JAK3: variants seen among roughly 807,000 people sequenced by gnomAD.
JAK3 encodes the protein tyrosine-protein kinase JAK3.
Under a neutral mutation model 120.8 loss-of-function variants are expected in JAK3, and 88 were observed. The observed-to-expected ratio is 0.73, with a 90% CI of 0.61 to 0.87. The LOEUF (loss-of-function observed/expected upper bound fraction) is 0.87. Among genes scored for constraint, JAK3 ranks in the 40% least tolerant of loss-of-function variants. The pLI, the probability that JAK3 is intolerant of heterozygous loss-of-function variation, is 0.00. For missense variants in JAK3, 1,254 were observed against 1,501.4 expected, an observed-to-expected ratio of 0.84 and a Z score of 2.72; for synonymous variants, 592 against 628.6, an observed-to-expected ratio of 0.94 and a Z score of 0.87.
At position 17,843,853 on chromosome 19, in the gene JAK3, G is replaced by A. The variant is rs2147700092; in HGVS notation, c.232C>T (p.Leu78=). ...HSLFALATED[L]SCWFPPSHIF... ...TGGCTCGGGGGGAACCAGCAGGACA[G>A]GTCCTCCGTGGCCAGAGCAAAGAGG... The change falls in exon 3 of 24, where the codon CTG becomes TTG. Residue 78 remains leucine, a synonymous_variant. Transcript: ENST00000458235. The surrounding 1 kb of genome is among the most constrained non-coding windows in gnomAD (Gnocchi z 5.4). 1 of 1,613,498 alleles carries A rather than the reference G, an allele frequency of 6.2e-7. No homozygotes were observed.
At position 17,824,944 on chromosome 19, in the gene JAK3, G is replaced by A. The variant is rs1309354662; in HGVS notation, c.*1799C>T. On this transcript the variant is annotated 3_prime_UTR_variant, in exon 24 of 24. Transcript: ENST00000458235. ...GAGTGGGGCTGGAGGGAAGGACAGG[G>A]CTACAGTAGTAGTGGGGGTATATGA... The A allele has an allele frequency of 4.5e-6, 1 of 221,108 alleles. No homozygotes were observed. The highest frequency in any genetic ancestry group is 9.1e-6 in the Non-Finnish European group (1 of 110,308). The allele number at this position is 221,108 out of a possible 1,614,324, so 13.7% of individuals were successfully genotyped here.
chr19:17,832,974 G>A lies in JAK3; in HGVS notation c.2351-45C>T. On this transcript the variant is annotated intron_variant, in intron 17 of 23. Transcript: ENST00000458235. The surrounding 1 kb of genome is among the most constrained non-coding windows in gnomAD (Gnocchi z 4.7). The stretch of plus-strand genomic sequence containing the variant: ...AGTGGTAAGCAGCGCCTCTCATCCT[G>A]GGCCCCACTCCTGAGTTGACTTGCT... The A allele has an allele frequency of 1.3e-6, 2 of 1,586,484 alleles. No individual in the cohort carries two copies. The highest frequency in any genetic ancestry group is 1.7e-6 in the Non-Finnish European group (2 of 1,166,044).
At chr19:17,845,885 C>T (rs1241266141) in intron 1 of JAK3, among the ~76,000 whole-genome samples, 1 of 152,094 alleles carries the variant, frequency 6.6e-6, no homozygotes, top group Non-Finnish European at 1.5e-5. Context: ...AGTGCAGTGG[C>T]ACAATCTCGG....
Position 17,842,221 on chromosome 19 carries a change from G to T in JAK3, c.861+95C>A. The T allele has an allele frequency of 7.6e-7, 1 of 1,322,570 alleles. No individual in the cohort carries two copies. Among genetic ancestry groups the T allele is most frequent in the Non-Finnish European group, 1.0e-6 (1 of 998,738 alleles). 81.9% of individuals were successfully genotyped at this position (1,322,570 alleles called of 1,614,324 possible). On this transcript the variant is annotated intron_variant, in intron 6 of 23. Transcript: ENST00000458235. The surrounding 1 kb of genome is among the most constrained non-coding windows in gnomAD (Gnocchi z 6.4). ...CCTCGCCCACTTCCCCAAGTCTTTCGTTTTGGCTCCGCCCCACATCCCCTA... is the reference window on the plus strand; with the variant it reads ...CCTCGCCCACTTCCCCAAGTCTTTCTTTTTGGCTCCGCCCCACATCCCCTA...
chr19:17,847,875 C>G (rs1363922308), intron 1 of JAK3, 71 bp downstream of exon 1: 2 of 770,710 alleles, frequency 2.6e-6, no homozygotes, highest in Non-Finnish European at 3.2e-6. Context: ...CTGCCCCAGC[C>G]CAGCCATCCC....
At chr19:17,835,574 A>G (rs913303340) in intron 14 of JAK3, among the ~76,000 whole-genome samples, 4 of 152,180 alleles carry the variant, frequency 2.6e-5, no homozygotes, top group African/African-American at 9.7e-5. Context: ...CAGGGGATGC[A>G]ACACACTATC....
In JAK3 at chr19:17,831,067, G is replaced by T. The variant is rs2094213454; in HGVS notation, c.2978+161C>A. ...GGGAGACAGAGGAGCCAGTGCTGTT[G>T]AGGGGGCGGGGCTCTGGGGAGTGGG... On this transcript the variant is annotated intron_variant, in intron 21 of 23. Transcript: ENST00000458235. The surrounding 1 kb of genome is among the most constrained non-coding windows in gnomAD (Gnocchi z 5.1). Among the ~76,000 whole-genome samples, 2 of 147,766 alleles carry T rather than the reference G, an allele frequency of 1.4e-5. No homozygotes were observed. The highest frequency in any genetic ancestry group is 4.4e-4 in the South Asian group (2 of 4,570).
intron 8 of JAK3, among the ~76,000 whole-genome samples, chr19:17,840,741 C>G (rs1006147366): frequency 6.6e-6 from 1 of 150,388 alleles, no homozygotes; most frequent in East Asian, 1.9e-4. Context: ...CCAGCCTGGG[C>G]GACAGAGCCA....
At position 17,843,762 on chromosome 19, in the gene JAK3, G is replaced by A; in HGVS notation, c.308+15C>T. On this transcript the variant is annotated intron_variant, in intron 3 of 23. Coordinates refer to ENST00000458235, the MANE Select transcript of JAK3 (RefSeq NM_000215.4). The surrounding 1 kb of genome is among the most constrained non-coding windows in gnomAD (Gnocchi z 5.4). ...AAAATTGTACAATCCCTGGGGGCTG[G>A]GGGGCACTTCCTACCGAATCCTGTA... The A allele has an allele frequency of 1.2e-6, 2 of 1,608,422 alleles. No individual in the cohort carries two copies. Among genetic ancestry groups the A allele is most frequent in the Non-Finnish European group, 1.7e-6 (2 of 1,179,894 alleles).
intron 9 of JAK3, 28 bp from the exon 10 acceptor site, chr19:17,839,691 G>A (rs2094233043): frequency 6.4e-7 from 1 of 1,569,934 alleles, no homozygotes; most frequent in Non-Finnish European, 8.7e-7. Flanking sequence ...CCCTGAGTGG[G>A]ACTGAGCGAC....
In JAK3 at chr19:17,831,410, G is replaced by A; in HGVS notation, c.2806-10C>T. ...CCAGGTACTCCATGCCCTGCGGGCG[G>A]GCGGTGTGAGCGTGCAGAGAGGATC... On this transcript the variant is annotated splice_polypyrimidine_tract_variant and intron_variant, in intron 20 of 23. Coordinates refer to ENST00000458235, the MANE Select transcript of JAK3 (RefSeq NM_000215.4). The surrounding 1 kb of genome is among the most constrained non-coding windows in gnomAD (Gnocchi z 5.1). 1.9e-6 allele frequency: 3 copies of A among 1,601,684 alleles called. No individual in the cohort carries two copies. The South Asian group carries it at 3.3e-5, about 18-fold the overall frequency.
chr19:17,830,513 C>CT lies in JAK3; in HGVS notation c.3085dup (p.Ser1029LysfsTer13), dbSNP rs2094211974. The CT allele has an allele frequency of 1.9e-6, 3 of 1,613,042 alleles. No homozygotes were observed. Among genetic ancestry groups the CT allele is most frequent in the Non-Finnish European group, 2.5e-6 (3 of 1,179,478 alleles). On this transcript the variant is annotated frameshift_variant, in exon 22 of 24. Coordinates refer to ENST00000458235, the MANE Select transcript of JAK3 (RefSeq NM_000215.4). LOFTEE classifies it high-confidence loss of function. Reference sequence around the variant, plus strand: ...GGGAAGCCGACTCACGGCCGAGGGGCTGCAGCTTTTGTCGCAGTAGGTGAA... The same window carrying CT: ...GGGAAGCCGACTCACGGCCGAGGGGCTTGCAGCTTTTGTCGCAGTAGGTGAA...
chr19:17,831,798 C>T lies in JAK3; in HGVS notation c.2681G>A (p.Gly894Asp), dbSNP rs2147677176. 6.2e-7 allele frequency: 1 copy of T among 1,612,784 alleles called. No homozygotes were observed. The highest frequency in any genetic ancestry group is 8.5e-7 in the Non-Finnish European group (1 of 1,179,842). ...CATGACCAGCCGCAGGCTCTGGCGG[C>T]CTGGAGAAGGCAGGATCTGTCACAG... ...VKYRGVSYGP[G>D]RQSLRLVMEY... The change falls in exon 20 of 24, where the codon GGC becomes GAC. Residue 894 changes from glycine to aspartate, a missense_variant and splice_region_variant. Around this residue, in one of 3 missense-constraint regions of JAK3, gnomAD observed 630 missense variants for 819.8 expected, o/e 0.77. Coordinates refer to ENST00000458235, the MANE Select transcript of JAK3 (RefSeq NM_000215.4). This position sits in a 1 kb window ranked among gnomAD's most constrained non-coding sequence, Gnocchi z 5.1.
intron 21 of JAK3, 106 bp from the exon 22 acceptor site, chr19:17,830,726 G>A: frequency 2.3e-6 from 2 of 854,186 alleles, no homozygotes; most frequent in South Asian, 1.3e-5. Context: ...ACTGTGAGCA[G>A]GTCAGTCCCG....
chr19:17,842,257 G>GCCCCAACCCCCGC lies in JAK3; in HGVS notation c.861+58_861+59insGCGGGGGTTGGGG. The GCCCCAACCCCCGC allele has an allele frequency of 7.0e-7, 1 of 1,424,412 alleles. No individual in the cohort carries two copies. Among genetic ancestry groups the GCCCCAACCCCCGC allele is most frequent in the Non-Finnish European group, 9.3e-7 (1 of 1,079,040 alleles). The allele number at this position is 1,424,412 out of a possible 1,614,324, so 88.2% of individuals were successfully genotyped here. A position where few individuals can be genotyped will look rare whatever the true frequency, so the allele number is the denominator to read the frequency against. On this transcript the variant is annotated intron_variant, in intron 6 of 23. Coordinates refer to ENST00000458235, the MANE Select transcript of JAK3 (RefSeq NM_000215.4). This position sits in a 1 kb window ranked among gnomAD's most constrained non-coding sequence, Gnocchi z 6.4. ...GCCCCACATCCCCTACCACTCTCCGGCCCCTCCCCGAGCCCCGCCCCCACG... is the reference window on the plus strand; with the variant it reads ...GCCCCACATCCCCTACCACTCTCCGGCCCCAACCCCCGCCCCCTCCCCGAGCCCCGCCCCCACG...
chr19:17,838,113 G>T (rs146404496), intron 11 of JAK3, 50 bp from the exon 12 acceptor site: 20 of 1,613,606 alleles, frequency 1.2e-5, no homozygotes, highest in Admixed American at 1.7e-5. Context: ...GTTCCTGCAG[G>T]ATCCCAGCCC....
At chr19:17,838,218 T>C (rs2147688135) in intron 11 of JAK3, 45 bp downstream of exon 11, 1 of 1,613,604 alleles carries the variant, frequency 6.2e-7, no homozygotes, top group Non-Finnish European at 8.5e-7. Context: ...TCTGAGTCTC[T>C]GGACCCCAGA....
At chr19:17,833,348 C>T (rs760556691) in intron 17 of JAK3, among the ~76,000 whole-genome samples, 22 of 152,118 alleles carry the variant, frequency 1.4e-4, no homozygotes, top group Non-Finnish European at 2.6e-4. Context: ...GGGGACCCAA[C>T]GCCTGAGGTG....
chr19:17,843,237 C>T lies in JAK3; in HGVS notation c.421-65G>A. On this transcript the variant is annotated intron_variant, in intron 4 of 23. Transcript: ENST00000458235. The surrounding 1 kb of genome is among the most constrained non-coding windows in gnomAD (Gnocchi z 5.4). ...AACTTCAAGCCCTGTTGTTAACCTG[C>T]AGACCCCCCCAATCCTGGGCTGACC... 2.6e-6 allele frequency: 4 copies of T among 1,558,106 alleles called. No homozygotes were observed. The highest frequency in any genetic ancestry group is 2.3e-5 in the South Asian group (2 of 85,544).
Sources: allele counts gnomAD v4.1 joint callset (sites outside exome capture counted in the v4.1 genomes callset), GRCh38; gene constraint gnomAD v4.1.1; regional missense constraint gnomAD v4.1.1; non-coding constraint Gnocchi (gnomAD v3.1); transcripts MANE v1.5; gene names NCBI Gene and HGNC (gene_info 2026-07-23, HGNC 2026-07-21).